The following GNAQ variants were observed in gnomAD, a reference collection of about 807,000 sequenced individuals.
The protein encoded by GNAQ is G protein subunit alpha q, also known as guanine nucleotide-binding protein G(q) subunit alpha.
GNAQ carries 8 observed loss-of-function variants against 43.9 expected under a neutral mutation model. The observed-to-expected ratio is 0.18, with a 90% CI of 0.11 to 0.33. The LOEUF (loss-of-function observed/expected upper bound fraction) is 0.33. Ranked by LOEUF, GNAQ falls within the 10% of genes least tolerant of loss-of-function variation. GNAQ has a pLI of 1.00. For synonymous variants in GNAQ, 155 were observed against 170.7 expected (o/e 0.91, Z 0.71); for missense variants, 158 against 450.8 (o/e 0.35, Z 5.88).
chr9:77,816,612 C>CAT lies in GNAQ; in HGVS notation c.322-844_322-843dup, dbSNP rs199854132. Reference sequence around the variant, plus strand: ...AATGCAATATATATATATACACACACATATATATATACACACACAAAGTAT... The same window carrying CAT: ...AATGCAATATATATATATACACACACATATATATATATACACACACAAAGTAT... On this transcript the variant is annotated intron_variant, in intron 2 of 6. Transcript: ENST00000286548. Among the ~76,000 whole-genome samples the CAT allele has an allele frequency of 8.1e-3, 1,231 of 151,990 alleles. 16 individuals carry two copies. Among genetic ancestry groups the CAT allele is most frequent in the African/African-American group, 0.028 (1,166 of 41,428 alleles).
intron 5 of GNAQ, among the ~76,000 whole-genome samples, chr9:77,786,117 C>T (rs1826472473): frequency 6.6e-6 from 1 of 152,138 alleles, no homozygotes; most frequent in Non-Finnish European, 1.5e-5. Flanking sequence ...GTGGCTCACG[C>T]CTGTAATCCC....
chr9:77,785,071 T>C (rs1316031331), intron 5 of GNAQ, among the ~76,000 whole-genome samples: 1 of 152,226 alleles, frequency 6.6e-6, no homozygotes, highest in African/African-American at 2.4e-5. Context: ...GTCTATGCCC[T>C]AACCCCAGAA....
intron 3 of GNAQ, among the ~76,000 whole-genome samples, chr9:77,799,448 A>G (rs2118462804): frequency 6.6e-6 from 1 of 152,292 alleles, no homozygotes; most frequent in Middle Eastern, 3.4e-3. Context: ...CTTAGTACCT[A>G]AAAGAATGCC....
At chr9:77,809,422 T>C (rs1169471408) in intron 3 of GNAQ, among the ~76,000 whole-genome samples, 1 of 152,190 alleles carries the variant, frequency 6.6e-6, no homozygotes, top group African/African-American at 2.4e-5. Context: ...CTGTAGGCAG[T>C]GAACTCATTT....
At chr9:77,832,116 T>G (rs1487033077) in intron 2 of GNAQ, among the ~76,000 whole-genome samples, 5 of 151,672 alleles carry the variant, frequency 3.3e-5, no homozygotes, top group Admixed American at 3.3e-4. Flanking sequence ...TTCCAACACT[T>G]TTTTTAATGT....
intron 2 of GNAQ, among the ~76,000 whole-genome samples, chr9:77,898,434 C>G (rs956367191): frequency 2.0e-5 from 3 of 152,194 alleles, no homozygotes; most frequent in Non-Finnish European, 4.4e-5. Flanking sequence ...ATAGTTTCTC[C>G]TACTGTAACA....
At chr9:77,747,670 G>C (rs1295205002) in intron 5 of GNAQ, among the ~76,000 whole-genome samples, 1 of 152,170 alleles carries the variant, frequency 6.6e-6, no homozygotes, top group Non-Finnish European at 1.5e-5. Flanking sequence ...GAAAACTTTA[G>C]GTATTCTGAG....
Position 77,716,126 on chromosome 9 carries a change from T to A in GNAQ, c.*5197A>T, listed in dbSNP as rs1825224838. The stretch of plus-strand genomic sequence containing the variant: ...TTTTTTTTTGAAACCATTAAACTTG[T>A]TTATTTTGGAAAATGCAATATGCAC... On this transcript the variant is annotated 3_prime_UTR_variant, in exon 7 of 7. Coordinates refer to ENST00000286548, the MANE Select transcript of GNAQ (RefSeq NM_002072.5). The A allele has an allele frequency of 5.3e-6, 1 of 189,220 alleles. No individual in the cohort carries two copies. The highest frequency in any genetic ancestry group is 6.2e-5 in the Admixed American group (1 of 16,216). 11.7% of individuals were successfully genotyped at this position (189,220 alleles called of 1,614,324 possible).
intron 2 of GNAQ, among the ~76,000 whole-genome samples, chr9:77,866,776 G>A (rs1827957000): frequency 6.6e-6 from 1 of 152,116 alleles, no homozygotes; most frequent in South Asian, 2.1e-4. Context: ...ATAAAATTTG[G>A]CCAATATTTT....
At chr9:77,867,547 T>A (rs1450776079) in intron 2 of GNAQ, among the ~76,000 whole-genome samples, 1 of 152,202 alleles carries the variant, frequency 6.6e-6, no homozygotes, top group African/African-American at 2.4e-5. Flanking sequence ...TCATAATTTA[T>A]TAAGATTATA....
chr9:77,906,470 G>T (rs1828710556), intron 2 of GNAQ, among the ~76,000 whole-genome samples: 2 of 152,072 alleles, frequency 1.3e-5, no homozygotes, highest in African/African-American at 4.8e-5. Context: ...TGTATTTTCT[G>T]ACCCAGCAAT....
chr9:77,886,449 A>G (rs1271954148), intron 2 of GNAQ, among the ~76,000 whole-genome samples: 2 of 152,026 alleles, frequency 1.3e-5, no homozygotes, highest in Non-Finnish European at 2.9e-5. Flanking sequence ...TCTCCCCAGA[A>G]AGTGGGAGCA....
chr9:77,737,725 C>T (rs938374903), intron 5 of GNAQ, among the ~76,000 whole-genome samples: 1 of 152,154 alleles, frequency 6.6e-6, no homozygotes, highest in Admixed American at 6.5e-5. Flanking sequence ...ACTAGACAGA[C>T]CTATAGTAAG....
chr9:77,818,026 AAAAC>A (rs1007676291), intron 2 of GNAQ, among the ~76,000 whole-genome samples: 1 of 148,282 alleles, frequency 6.7e-6, no homozygotes, highest in African/African-American at 2.6e-5. Flanking sequence ...AAACAAAAAC[AAAAC>A]AAAAAAAAAC....
intron 2 of GNAQ, among the ~76,000 whole-genome samples, chr9:77,917,274 G>T (rs1210147161): frequency 6.6e-6 from 1 of 151,978 alleles, no homozygotes; most frequent in African/African-American, 2.4e-5. Flanking sequence ...ATAAACACAG[G>T]CACTTTATAT....
At chr9:78,003,537 G>A (rs578020014) in intron 1 of GNAQ, among the ~76,000 whole-genome samples, 14 of 152,214 alleles carry the variant, frequency 9.2e-5, no homozygotes, top group East Asian at 1.9e-4. Flanking sequence ...AGCTGCGGCC[G>A]GACACAGTGG....
intron 2 of GNAQ, among the ~76,000 whole-genome samples, chr9:77,852,104 A>G (rs1164975580): frequency 1.3e-5 from 2 of 152,174 alleles, no homozygotes; most frequent in Non-Finnish European, 2.9e-5. Context: ...AAGAACATGA[A>G]AGAGGAAAGA....
At chr9:77,752,011 CAA>C (rs1047180250) in intron 5 of GNAQ, among the ~76,000 whole-genome samples, 2 of 152,200 alleles carry the variant, frequency 1.3e-5, no homozygotes, top group Non-Finnish European at 2.9e-5. Context: ...ACTCATCTAT[CAA>C]AGAGTGCTTG....
At chr9:77,782,951 A>T (rs1826418232) in intron 5 of GNAQ, among the ~76,000 whole-genome samples, 1 of 152,232 alleles carries the variant, frequency 6.6e-6, no homozygotes, top group South Asian at 2.1e-4. Flanking sequence ...GAAAACTATG[A>T]AGACAGCAGA....
Sources: gnomAD v4.1 joint callset for allele counts (sites outside exome capture counted in the v4.1 genomes callset) on GRCh38, gnomAD v4.1.1 for gene constraint, MANE v1.5 for transcripts, NCBI Gene and HGNC (gene_info 2026-07-23, HGNC 2026-07-21) for gene names.